The following RABGAP1L variants were observed in gnomAD, a reference collection of about 807,000 sequenced individuals.
The protein encoded by RABGAP1L is rab GTPase-activating protein 1-like.
RABGAP1L carries 63 observed loss-of-function variants against 137.7 expected under a neutral mutation model. That is an observed-to-expected ratio of 0.46 (90% CI 0.37 to 0.56). The LOEUF is 0.56. Among genes scored for constraint, RABGAP1L ranks in the 20% least tolerant of loss-of-function variants. The pLI is 0.00. For missense variants in RABGAP1L, 1,095 were observed against 1,244.0 expected (o/e 0.88, Z 1.80); for synonymous variants, 431 against 433.7 (o/e 0.99, Z 0.08).
At position 174,991,310 on chromosome 1, in the gene RABGAP1L, C is replaced by T. The variant is rs906884690; in HGVS notation, c.*1309C>T. ...TGATCCTTTCAAACCAACCAAACTA[C>T]TATTAGATATGTACAATAACATTTG... On this transcript the variant is annotated 3_prime_UTR_variant, in exon 26 of 26. Transcript: ENST00000681986. 3 of 152,222 alleles carry T rather than the reference C, an allele frequency of 2.0e-5. No individual in the cohort carries two copies. Among genetic ancestry groups the T allele is most frequent in the Non-Finnish European group, 2.9e-5 (2 of 68,030 alleles). The allele number at this position is 152,222 out of a possible 1,614,324, so 9.4% of individuals were successfully genotyped here.
chr1:174,393,867 GC>G (rs1440123110), intron 12 of RABGAP1L, 127 bp from the exon 13 acceptor site: 2 of 953,146 alleles, frequency 2.1e-6, no homozygotes, highest in Non-Finnish European at 1.5e-6. Flanking sequence ...ATTGTTTAAT[GC>G]CCCCCCACAA....
chr1:174,352,089 T>G (rs561980372), intron 11 of RABGAP1L, among the ~76,000 whole-genome samples: 11 of 152,288 alleles, frequency 7.2e-5, no homozygotes, highest in Admixed American at 4.6e-4. Context: ...ATTACAGGCG[T>G]GAGCCACCAC....
intron 18 of RABGAP1L, among the ~76,000 whole-genome samples, chr1:174,766,428 T>C (rs1685675328): frequency 6.6e-6 from 1 of 152,240 alleles, no homozygotes; most frequent in South Asian, 2.1e-4. Flanking sequence ...GTTTTATTTC[T>C]GGAGTCTCTA....
At chr1:174,555,303 A>G (rs1026598547) in intron 13 of RABGAP1L, among the ~76,000 whole-genome samples, 17 of 152,222 alleles carry the variant, frequency 1.1e-4, no homozygotes, top group Non-Finnish European at 2.2e-4. Context: ...AGTAATAACA[A>G]CATTCTTTAA....
intron 12 of RABGAP1L, among the ~76,000 whole-genome samples, chr1:174,376,773 G>A (rs1457051250): frequency 6.6e-6 from 1 of 152,156 alleles, no homozygotes; most frequent in African/African-American, 2.4e-5. Flanking sequence ...AAGAATGACA[G>A]ATCCCAAAAC....
chr1:174,776,618 T>G (rs1443337816), intron 18 of RABGAP1L, among the ~76,000 whole-genome samples: 1 of 152,230 alleles, frequency 6.6e-6, no homozygotes, highest in Non-Finnish European at 1.5e-5. Flanking sequence ...TAAACAGGTC[T>G]AAAGATTTCT....
At chr1:174,341,323 G>A (rs532739283) in intron 11 of RABGAP1L, among the ~76,000 whole-genome samples, 7 of 152,214 alleles carry the variant, frequency 4.6e-5, no homozygotes, top group South Asian at 2.1e-4. Context: ...GCCATGCTTC[G>A]TGTTACAAAA....
intron 18 of RABGAP1L, among the ~76,000 whole-genome samples, chr1:174,807,332 C>T (rs778129890): frequency 1.3e-5 from 2 of 151,686 alleles, no homozygotes; most frequent in South Asian, 2.1e-4. Flanking sequence ...TACATATGTA[C>T]GAATTATGAT....
intron 13 of RABGAP1L, among the ~76,000 whole-genome samples, chr1:174,420,427 A>G (rs149007076): frequency 6.6e-6 from 1 of 152,272 alleles, no homozygotes; most frequent in East Asian, 1.9e-4. Flanking sequence ...TTACTGACAT[A>G]GAGATAATGA....
At chr1:174,964,047 A>G (rs1158309839) in intron 20 of RABGAP1L, among the ~76,000 whole-genome samples, 8 of 152,240 alleles carry the variant, frequency 5.3e-5, no homozygotes, top group Non-Finnish European at 7.3e-5. Flanking sequence ...AGGGAAGCAC[A>G]AAACCTTCAA....
chr1:174,464,736 A>G (rs1657098168), intron 13 of RABGAP1L, among the ~76,000 whole-genome samples: 1 of 151,830 alleles, frequency 6.6e-6, no homozygotes, highest in African/African-American at 2.4e-5. Flanking sequence ...CTGTCTTTTA[A>G]GATTCTTTCT....
chr1:174,531,842 A>G (rs1193839424), intron 13 of RABGAP1L, among the ~76,000 whole-genome samples: 1 of 152,120 alleles, frequency 6.6e-6, no homozygotes, highest in Non-Finnish European at 1.5e-5. Context: ...AATGAGAAAA[A>G]TATAGGTTTT....
At chr1:174,899,202 A>G (rs1657726616) in intron 19 of RABGAP1L, among the ~76,000 whole-genome samples, 1 of 145,072 alleles carries the variant, frequency 6.9e-6, no homozygotes, top group Non-Finnish European at 1.6e-5. Context: ...GGGAGAAAAC[A>G]AACAAACAAA....
chr1:174,359,559 A>G (rs1003103034), intron 11 of RABGAP1L, among the ~76,000 whole-genome samples: 1 of 152,160 alleles, frequency 6.6e-6, no homozygotes, highest in Non-Finnish European at 1.5e-5. Context: ...TAATGCGCCT[A>G]GCTTTTCTAT....
chr1:174,883,478 T>C (rs1458372014), intron 19 of RABGAP1L, among the ~76,000 whole-genome samples: 3 of 152,164 alleles, frequency 2.0e-5, no homozygotes, highest in African/African-American at 4.8e-5. Context: ...GGAGAATTAC[T>C]TTGCTTGATT....
chr1:174,334,040 A>G (rs963732369), intron 11 of RABGAP1L, among the ~76,000 whole-genome samples: 7 of 152,210 alleles, frequency 4.6e-5, no homozygotes, highest in African/African-American at 1.7e-4. Flanking sequence ...ACTCAGGAGA[A>G]ACCAGAGAGG....
At chr1:174,766,133 G>A (rs1218777091) in intron 18 of RABGAP1L, among the ~76,000 whole-genome samples, 1 of 152,154 alleles carries the variant, frequency 6.6e-6, no homozygotes, top group Admixed American at 6.5e-5. Flanking sequence ...AAGTCACAGG[G>A]AGAAGACAGC....
intron 13 of RABGAP1L, among the ~76,000 whole-genome samples, chr1:174,455,786 G>T (rs1307131858): frequency 1.3e-5 from 2 of 152,050 alleles, no homozygotes; most frequent in Non-Finnish European, 2.9e-5. Context: ...TAACGCTTTT[G>T]AACATATATA....
intron 11 of RABGAP1L, among the ~76,000 whole-genome samples, chr1:174,359,915 T>C (rs562791229): frequency 1.1e-4 from 17 of 152,218 alleles, no homozygotes; most frequent in Non-Finnish European, 2.4e-4. Flanking sequence ...GGAAGACATT[T>C]CATAAGTGCC....
Sources: gnomAD v4.1 joint callset for allele counts (sites outside exome capture counted in the v4.1 genomes callset) on GRCh38, gnomAD v4.1.1 for gene constraint, MANE v1.5 for transcripts, NCBI Gene and HGNC (gene_info 2026-07-23, HGNC 2026-07-21) for gene names.